The following ELMO1 variants were observed in gnomAD, a reference collection of about 807,000 sequenced individuals.
ELMO1 encodes engulfment and cell motility 1.
Under a neutral mutation model 98.9 loss-of-function variants are expected in ELMO1, and 26 were observed. That is an observed-to-expected ratio of 0.26 (90% CI 0.19 to 0.36). ELMO1 has a LOEUF of 0.36. Among genes scored for constraint, ELMO1 ranks in the 10% least tolerant of loss-of-function variants. The pLI, the probability that ELMO1 is intolerant of heterozygous loss-of-function variation, is 1.00. For synonymous variants in ELMO1, 346 were observed against 346.0 expected, an observed-to-expected ratio of 1.00 and a Z score of 0.00; for missense variants, 627 against 935.2, an observed-to-expected ratio of 0.67 and a Z score of 4.30.
chr7:37,112,171 G>T (rs1785286974), intron 14 of ELMO1, among the ~76,000 whole-genome samples: 1 of 152,134 alleles, frequency 6.6e-6, no homozygotes. Flanking sequence ...AGATGGTCCA[G>T]TGACAGAAAG....
chr7:37,019,018 T>C (rs935935666), intron 15 of ELMO1, among the ~76,000 whole-genome samples: 11 of 152,208 alleles, frequency 7.2e-5, no homozygotes, highest in Admixed American at 3.9e-4. Flanking sequence ...TACTGAACTA[T>C]TCAGACTTCA....
At chr7:37,101,799 GCT>G (rs1784659646) in intron 14 of ELMO1, among the ~76,000 whole-genome samples, 1 of 151,784 alleles carries the variant, frequency 6.6e-6, no homozygotes. Flanking sequence ...AGTCTGTCTG[GCT>G]CTCTCTCCTA....
At chr7:37,013,534 T>C in intron 15 of ELMO1, 99 bp from the exon 16 acceptor site, 1 of 1,394,466 alleles carries the variant, frequency 7.2e-7, no homozygotes, top group Non-Finnish European at 9.8e-7. Flanking sequence ...CAAGCGGAGG[T>C]ATCTTTGGTT....
At chr7:37,231,332 C>CAAAA (rs35802499) in intron 8 of ELMO1, among the ~76,000 whole-genome samples, 2 of 144,592 alleles carry the variant, frequency 1.4e-5, no homozygotes, top group African/African-American at 5.1e-5. Flanking sequence ...TGATTAATTT[C>CAAAA]AAAAAAAAAA....
At chr7:36,933,066 G>A (rs1486459912) in intron 16 of ELMO1, among the ~76,000 whole-genome samples, 1 of 152,206 alleles carries the variant, frequency 6.6e-6, no homozygotes, top group African/African-American at 2.4e-5. Flanking sequence ...GCACTGCCAT[G>A]ATAGAGGGAC....
intron 14 of ELMO1, among the ~76,000 whole-genome samples, chr7:37,126,513 A>C (rs1786534220): frequency 6.6e-6 from 1 of 152,044 alleles, no homozygotes; most frequent in Non-Finnish European, 1.5e-5. Context: ...TATAAACAGT[A>C]TAATAACTTA....
chr7:37,410,046 C>G (rs1803931600), intron 1 of ELMO1, among the ~76,000 whole-genome samples: 1 of 152,222 alleles, frequency 6.6e-6, no homozygotes, highest in South Asian at 2.1e-4. Flanking sequence ...AAGCCAGGAT[C>G]CAAAACCAGA....
intron 16 of ELMO1, chr7:37,002,309 G>C (rs1792731980): frequency 6.6e-6 from 1 of 152,224 alleles, no homozygotes; most frequent in South Asian, 2.1e-4. Flanking sequence ...ACTTGGCCAA[G>C]ACAAAAGTCA....
Position 37,317,869 on chromosome 7 carries a change from G to C in ELMO1, c.79-1909C>G, listed in dbSNP as rs1799281372. 2.0e-5 allele frequency among the ~76,000 whole-genome samples: 3 copies of C among 152,124 alleles called. No homozygotes were observed. The South Asian group carries it at 6.2e-4, about 32-fold the overall frequency. On this transcript the variant is annotated intron_variant, in intron 2 of 21. Coordinates refer to ENST00000310758, the MANE Select transcript of ELMO1 (RefSeq NM_014800.11). Reference sequence around the variant, plus strand: ...CAAAGGATAAATGCTTGACGGGATAGATACATCATTTTCCACAATAAAATT... The same window carrying C: ...CAAAGGATAAATGCTTGACGGGATACATACATCATTTTCCACAATAAAATT...
At chr7:37,275,914 C>T (rs1304387939) in intron 4 of ELMO1, among the ~76,000 whole-genome samples, 1 of 152,208 alleles carries the variant, frequency 6.6e-6, no homozygotes, top group Non-Finnish European at 1.5e-5. Context: ...TCACCATATG[C>T]TGATGACACC....
chr7:37,267,085 ACAC>A (rs1486234458), intron 5 of ELMO1, among the ~76,000 whole-genome samples: 1 of 142,694 alleles, frequency 7.0e-6, no homozygotes, highest in Non-Finnish European at 1.5e-5. Context: ...ACACACACAC[ACAC>A]GAGTACTACT....
intron 11 of ELMO1, among the ~76,000 whole-genome samples, chr7:37,213,687 G>A (rs987319696): frequency 6.6e-6 from 1 of 152,104 alleles, no homozygotes; most frequent in African/African-American, 2.4e-5. Flanking sequence ...AGGAGGGAGT[G>A]GAAGGGGAAA....
intron 10 of ELMO1, among the ~76,000 whole-genome samples, chr7:37,218,678 GA>G (rs1793429535): frequency 6.6e-6 from 1 of 152,150 alleles, no homozygotes; most frequent in Non-Finnish European, 1.5e-5. Context: ...AGTTTTAAAA[GA>G]AGTTTAGAAA....
At chr7:37,154,320 G>C (rs1012014760) in intron 13 of ELMO1, among the ~76,000 whole-genome samples, 3 of 152,172 alleles carry the variant, frequency 2.0e-5, no homozygotes, top group Non-Finnish European at 4.4e-5. Context: ...TGAGCTTGAC[G>C]AGCTGACAGA....
chr7:37,208,257 T>C (rs979353767), intron 13 of ELMO1, among the ~76,000 whole-genome samples: 10 of 152,294 alleles, frequency 6.6e-5, no homozygotes, highest in African/African-American at 1.2e-4. Context: ...GAAAAGATGC[T>C]GCCCAGTTTC....
At chr7:37,025,776 G>T (rs1469523735) in intron 15 of ELMO1, among the ~76,000 whole-genome samples, 1 of 151,542 alleles carries the variant, frequency 6.6e-6, no homozygotes, top group Non-Finnish European at 1.5e-5. Context: ...AACTACATGA[G>T]ATTATTCCTA....
chr7:37,140,375 G>C (rs530820865), intron 13 of ELMO1, among the ~76,000 whole-genome samples: 20 of 151,200 alleles, frequency 1.3e-4, no homozygotes, highest in Admixed American at 1.3e-3. Context: ...GACAGAGTGA[G>C]ACTCCGTCTC....
intron 14 of ELMO1, among the ~76,000 whole-genome samples, chr7:37,107,862 C>T (rs1208041729): frequency 6.6e-6 from 1 of 152,188 alleles, no homozygotes; most frequent in South Asian, 2.1e-4. Flanking sequence ...CTCCCACTCA[C>T]CTCACTTTCT....
At chr7:37,443,645 C>T (rs1261669747) in intron 1 of ELMO1, among the ~76,000 whole-genome samples, 1 of 152,212 alleles carries the variant, frequency 6.6e-6, no homozygotes, top group Non-Finnish European at 1.5e-5. Flanking sequence ...AATCAGGAAT[C>T]ATGATATGGC....
Sources: allele counts gnomAD v4.1 joint callset (sites outside exome capture counted in the v4.1 genomes callset), GRCh38; gene constraint gnomAD v4.1.1; transcripts MANE v1.5; gene names NCBI Gene and HGNC (gene_info 2026-07-23, HGNC 2026-07-21).